The following EEA1 variants were observed in gnomAD, a reference collection of about 807,000 sequenced individuals.
The protein encoded by EEA1 is early endosome antigen 1, 162kD.
Under a neutral mutation model 209.2 loss-of-function variants are expected in EEA1, and 111 were observed. That is an observed-to-expected ratio of 0.53 (90% CI 0.45 to 0.62). The LOEUF (loss-of-function observed/expected upper bound fraction) is 0.62, where lower values mean the gene tolerates loss of function less well. EEA1 is among the 20% of genes least tolerant of loss of function. The pLI, the probability that EEA1 is intolerant of heterozygous loss-of-function variation, is 0.00. For missense variants in EEA1, 1,343 were observed against 1,530.8 expected (o/e 0.88, Z 2.05); for synonymous variants, 536 against 540.6 (o/e 0.99, Z 0.12).
intron 3 of EEA1, among the ~76,000 whole-genome samples, chr12:92,860,427 G>A (rs1488341558): frequency 3.9e-5 from 6 of 152,168 alleles, no homozygotes; most frequent in Non-Finnish European, 5.9e-5. Flanking sequence ...TGTTTTTGGC[G>A]GGGAGGAGGA....
intron 1 of EEA1, among the ~76,000 whole-genome samples, chr12:92,899,185 G>A (rs1226133514): frequency 1.3e-5 from 2 of 151,212 alleles, no homozygotes; most frequent in East Asian, 1.9e-4. Context: ...TTTGGTTGTC[G>A]ATACCAGGAG....
intron 2 of EEA1, chr12:92,884,284 C>T (rs1809871): frequency 0.63 from 872,285 of 1,394,232 alleles, 279,455 homozygotes; most frequent in East Asian, 0.95. Flanking sequence ...CTGTGAATGG[C>T]CACAACTGTG....
chr12:92,900,192 G>A (rs1277983769), intron 1 of EEA1, among the ~76,000 whole-genome samples: 6 of 152,074 alleles, frequency 3.9e-5, no homozygotes, highest in East Asian at 1.9e-4. Context: ...TTCCAATGAC[G>A]TATCCTTAGC....
chr12:92,918,848 G>A (rs1303836763), intron 1 of EEA1, among the ~76,000 whole-genome samples: 1 of 135,482 alleles, frequency 7.4e-6, no homozygotes, highest in Non-Finnish European at 1.6e-5. Context: ...TAGACCGCTA[G>A]CAAGACTAAT....
chr12:92,832,984 G>A, intron 10 of EEA1, 134 bp from the exon 11 acceptor site: 1 of 636,972 alleles, frequency 1.6e-6, no homozygotes, highest in Non-Finnish European at 2.5e-6. Flanking sequence ...CAGTGACAAT[G>A]TTCTAGTCAA....
chr12:92,888,115 G>A (rs750362410), intron 2 of EEA1, among the ~76,000 whole-genome samples: 1 of 151,982 alleles, frequency 6.6e-6, no homozygotes, highest in Non-Finnish European at 1.5e-5. Context: ...CCAGAAAAAA[G>A]ACAGAGATGG....
chr12:92,789,785 G>A (rs1028492493), intron 21 of EEA1, among the ~76,000 whole-genome samples: 4 of 152,206 alleles, frequency 2.6e-5, no homozygotes, highest in East Asian at 1.9e-4. Flanking sequence ...CCAGCATGGC[G>A]TTTGAGCTCT....
rs140661627 is a variant in EEA1 at position 92,852,260 on chromosome 12, C to T, written c.557G>A (p.Arg186Gln). Residue 186 changes from arginine to glutamine, a missense_variant, in exon 8 of 29, where the codon CGA (arginine) becomes CAA (glutamine). Physicochemically the swap from Arg to Gln is conservative, Grantham distance 43 (BLOSUM62 1). Coordinates refer to ENST00000322349, the MANE Select transcript of EEA1 (RefSeq NM_003566.4). ...TGTCACTTTTTGTTCAGCAGCTTCTCGAAGACTCCTTTCTTCATCATACTT... is the reference window on the plus strand; with the variant it reads ...TGTCACTTTTTGTTCAGCAGCTTCTTGAAGACTCCTTTCTTCATCATACTT... ...KSKYDEERSLREAAEQKVTRL... is the reference protein window; with the variant it reads ...KSKYDEERSLQEAAEQKVTRL... The T allele has an allele frequency of 8.1e-6, 13 of 1,598,200 alleles. No individual in the cohort carries two copies. The highest frequency in any genetic ancestry group is 4.5e-5 in the South Asian group (4 of 88,354).
chr12:92,861,880 C>T (rs569531844), intron 3 of EEA1, among the ~76,000 whole-genome samples: 39 of 152,072 alleles, frequency 2.6e-4, no homozygotes, highest in African/African-American at 8.9e-4. Flanking sequence ...GGGTGGCAAG[C>T]GCTCAATTTT....
intron 2 of EEA1, among the ~76,000 whole-genome samples, chr12:92,887,067 A>C (rs1259611634): frequency 6.6e-6 from 1 of 152,206 alleles, no homozygotes; most frequent in East Asian, 1.9e-4. Flanking sequence ...GAATGAAAAA[A>C]AGACATTTAA....
chr12:92,792,522 A>C (rs964463224), intron 21 of EEA1, among the ~76,000 whole-genome samples: 23 of 152,212 alleles, frequency 1.5e-4, no homozygotes, highest in African/African-American at 5.5e-4. Context: ...TAAACTAGAA[A>C]ATTTCTAGAA....
Position 92,851,267 on chromosome 12 carries a change from C to T in EEA1, c.643-1G>A, listed in dbSNP as rs1396506422. 1 of 1,601,240 alleles carries T rather than the reference C, an allele frequency of 6.2e-7. No individual in the cohort carries two copies. On this transcript the variant is annotated splice_acceptor_variant, in intron 8 of 28. Transcript: ENST00000322349. LOFTEE classifies it high-confidence loss of function. ...CATCTTCTATACCAGGTCTCTGAAG[C>T]TGTGAAACAACACATTTTAATTAAA...
chr12:92,887,514 C>T (rs559443353), intron 2 of EEA1, among the ~76,000 whole-genome samples: 1 of 152,092 alleles, frequency 6.6e-6, no homozygotes, highest in East Asian at 1.9e-4. Flanking sequence ...AACAAAAAGC[C>T]AGGCATGGTG....
chr12:92,786,751 T>C (rs1042137370), intron 22 of EEA1, among the ~76,000 whole-genome samples: 6 of 152,202 alleles, frequency 3.9e-5, no homozygotes, highest in African/African-American at 1.4e-4. Flanking sequence ...ACCAGGTTGT[T>C]TTCTAAAGTA....
At chr12:92,887,133 T>G (rs1021987056) in intron 2 of EEA1, among the ~76,000 whole-genome samples, 1 of 152,084 alleles carries the variant, frequency 6.6e-6, no homozygotes, top group African/African-American at 2.4e-5. Context: ...GAGGAAAGAT[T>G]TAATTAATTG....
chr12:92,889,190 A>G (rs766269376), intron 2 of EEA1, among the ~76,000 whole-genome samples: 34 of 151,864 alleles, frequency 2.2e-4, no homozygotes, highest in Non-Finnish European at 5.9e-5. Context: ...AACAGAATAT[A>G]GTGCATAATA....
At chr12:92,821,672 G>A (rs529173207) in intron 13 of EEA1, among the ~76,000 whole-genome samples, 3 of 151,904 alleles carry the variant, frequency 2.0e-5, no homozygotes, top group African/African-American at 7.2e-5. Flanking sequence ...CCTCAATAAC[G>A]ACTTAAAAGA....
intron 28 of EEA1, 152 bp from the exon 29 acceptor site, chr12:92,776,285 T>A (rs943638423): frequency 8.9e-6 from 6 of 670,836 alleles, no homozygotes; most frequent in Non-Finnish European, 1.4e-5. Context: ...TATGTTAACT[T>A]AATCTCTGTT....
At chr12:92,863,565 T>C (rs1878242137) in intron 3 of EEA1, among the ~76,000 whole-genome samples, 1 of 152,234 alleles carries the variant, frequency 6.6e-6, no homozygotes, top group Non-Finnish European at 1.5e-5. Flanking sequence ...CTGGTCTTCC[T>C]ACAACCCCAG....
Sources: gnomAD v4.1 joint callset for allele counts (sites outside exome capture counted in the v4.1 genomes callset) on GRCh38, gnomAD v4.1.1 for gene constraint, MANE v1.5 for transcripts, NCBI Gene and HGNC (gene_info 2026-07-23, HGNC 2026-07-21) for gene names.